The following JOSD1 variants were observed in gnomAD, a reference collection of about 807,000 sequenced individuals.
The protein encoded by JOSD1 is Josephin domain containing 1.
A neutral mutation model predicts 24.3 loss-of-function variants in JOSD1; 11 were observed. The observed-to-expected ratio is 0.45, with a 90% CI of 0.29 to 0.75. The LOEUF is 0.75. JOSD1 is among the 30% of genes least tolerant of loss of function. JOSD1 has a pLI of 0.11. For missense variants in JOSD1, 184 were observed against 253.5 expected, an observed-to-expected ratio of 0.73 and a Z score of 1.86; for synonymous variants, 106 against 93.8, an observed-to-expected ratio of 1.13 and a Z score of -0.75.
At chr22:38,700,761 C>G (rs2092565858) in intron 1 of JOSD1, 39 bp downstream of exon 1, 1 of 984,620 alleles carries the variant, frequency 1.0e-6, no homozygotes, top group South Asian at 4.7e-5. Context: ...CTCGCGCTCC[C>G]GGGCCCGCGC....
rs181161710 is a variant in JOSD1 at position 38,699,307 on chromosome 22, T to C, written c.185+496A>G. ...ATGGCCTCACAGAAAAGCTGAGCAT[T>C]GTTTATACATCTTGCTTGTGGTACC... On this transcript the variant is annotated intron_variant, in intron 2 of 4. Coordinates refer to ENST00000683374, the MANE Select transcript of JOSD1 (RefSeq NM_001360236.2). Among the ~76,000 whole-genome samples the C allele has an allele frequency of 3.3e-5, 5 of 152,334 alleles. No individual in the cohort carries two copies. In the East Asian group the frequency reaches 9.6e-4, roughly 29 times the overall value.
At chr22:38,690,998 C>T (rs1198375895) in intron 2 of JOSD1, among the ~76,000 whole-genome samples, 2 of 152,116 alleles carry the variant, frequency 1.3e-5, no homozygotes. Flanking sequence ...TGGATGTCAC[C>T]ACTGCATCCA....
At position 38,697,824 on chromosome 22, in the gene JOSD1, T is replaced by C. The variant is rs1336444106; in HGVS notation, c.185+1979A>G. Among the ~76,000 whole-genome samples the C allele has an allele frequency of 2.6e-5, 4 of 152,260 alleles. No individual in the cohort carries two copies. The East Asian group carries it at 7.7e-4, about 29-fold the overall frequency. On this transcript the variant is annotated intron_variant, in intron 2 of 4. Coordinates refer to ENST00000683374, the MANE Select transcript of JOSD1 (RefSeq NM_001360236.2). ...ACTCAGAACGGTGCTTTGCACCAAG[T>C]GTTCATGTGTGTTAGTGATCCTATC...
At chr22:38,695,145 C>G (rs999366447) in intron 2 of JOSD1, among the ~76,000 whole-genome samples, 2 of 152,170 alleles carry the variant, frequency 1.3e-5, no homozygotes, top group Non-Finnish European at 2.9e-5. Flanking sequence ...GGTCAAAGAG[C>G]TAGGCACACA....
At position 38,686,832 on chromosome 22, in the gene JOSD1, CAG is replaced by C; in HGVS notation, c.*1068_*1069del. On this transcript the variant is annotated 3_prime_UTR_variant, in exon 5 of 5. Transcript: ENST00000683374. ...GCAGACTTTTTTTTCCTGATTTTGC[CAG>C]AGTGAGTGAACTGGGAAAACTGCTC... The C allele has an allele frequency of 6.6e-6, 1 of 152,254 alleles. No individual in the cohort carries two copies. The highest frequency in any genetic ancestry group is 2.1e-4 in the South Asian group (1 of 4,824). 9.4% of individuals were successfully genotyped at this position (152,254 alleles called of 1,614,324 possible).
chr22:38,689,300 G>A lies in JOSD1; in HGVS notation c.310C>T (p.Arg104Cys). 1 of 1,614,198 alleles carries A rather than the reference G, an allele frequency of 6.2e-7. No homozygotes were observed. Among genetic ancestry groups the A allele is most frequent in the Non-Finnish European group, 8.5e-7 (1 of 1,180,042 alleles). ...KGYEAVWWDK[R>C]RDVGVIALTN... ...GTCAAGCCTGATTCAGATTACCTGCGCTTGTCCCACCAAACAGCTTCATAG... is the reference window on the plus strand; with the variant it reads ...GTCAAGCCTGATTCAGATTACCTGCACTTGTCCCACCAAACAGCTTCATAG... The change falls in exon 3 of 5, where the codon CGC becomes TGC. Residue 104 changes from arginine to cysteine, a missense_variant. Coordinates refer to ENST00000683374, the MANE Select transcript of JOSD1 (RefSeq NM_001360236.2).
At chr22:38,688,159 A>T (rs941608866) in intron 4 of JOSD1, among the ~76,000 whole-genome samples, 158 bp from the exon 5 acceptor site, 1 of 152,244 alleles carries the variant, frequency 6.6e-6, no homozygotes, top group Admixed American at 6.5e-5. Flanking sequence ...GTTACCCTCC[A>T]ATCTGTCCAG....
intron 2 of JOSD1, among the ~76,000 whole-genome samples, chr22:38,694,903 A>G (rs2092538435): frequency 6.6e-6 from 1 of 150,410 alleles, no homozygotes; most frequent in Admixed American, 6.6e-5. Context: ...GACGGGTTCT[A>G]GTCCAGGTCT....
At chr22:38,692,179 T>C (rs573517610) in intron 2 of JOSD1, among the ~76,000 whole-genome samples, 1 of 152,366 alleles carries the variant, frequency 6.6e-6, no homozygotes, top group South Asian at 2.1e-4. Context: ...TTGCATTTCA[T>C]TTAATCTTCA....
chr22:38,686,659 C>A lies in JOSD1; in HGVS notation c.*1243G>T, dbSNP rs2092499368. 6.6e-6 allele frequency: 1 copy of A among 152,230 alleles called. No individual in the cohort carries two copies. The highest frequency in any genetic ancestry group is 2.4e-5 in the African/African-American group (1 of 41,434). The allele number at this position is 152,230 out of a possible 1,614,324, so 9.4% of individuals were successfully genotyped here. A position where few individuals can be genotyped will look rare whatever the true frequency, so the allele number is the denominator to read the frequency against. On this transcript the variant is annotated 3_prime_UTR_variant, in exon 5 of 5. Coordinates refer to ENST00000683374, the MANE Select transcript of JOSD1 (RefSeq NM_001360236.2). Reference sequence around the variant, plus strand: ...CCTATTCCATCCATACAGCACAGAACCACCCAACCTGAGCTTGGCAACTAC... The same window carrying A: ...CCTATTCCATCCATACAGCACAGAAACACCCAACCTGAGCTTGGCAACTAC...
intron 2 of JOSD1, among the ~76,000 whole-genome samples, chr22:38,697,437 A>G (rs928204497): frequency 2.6e-5 from 4 of 152,266 alleles, no homozygotes; most frequent in African/African-American, 9.6e-5. Context: ...TTCAAAAGGA[A>G]TAGGATCTTA....
intron 2 of JOSD1, among the ~76,000 whole-genome samples, chr22:38,696,522 G>A (rs951408316): frequency 9.2e-5 from 14 of 152,136 alleles, no homozygotes; most frequent in Admixed American, 7.9e-4. Flanking sequence ...TTACATGCGT[G>A]AGCCACCGTG....
rs758064157 is a variant in JOSD1, at chr22:38,688,942, C to T, written c.502G>A (p.Glu168Lys). Residue 168 changes from glutamate to lysine, a missense_variant, in exon 4 of 5, where the codon GAG becomes AAG. Glu to Lys is a moderately conservative substitution (Grantham distance 56, BLOSUM62 1). Coordinates refer to ENST00000683374, the MANE Select transcript of JOSD1 (RefSeq NM_001360236.2). ...ACAAAAGGTGCCGATTACCTGAGCT[C>T]GCTCTCGCCTCCAATCCACTCGGGC... ...KMPEWIGGES[E>K]LRKFLKHHLR... 9.3e-6 allele frequency: 15 copies of T among 1,613,068 alleles called. No individual in the cohort carries two copies. Among genetic ancestry groups the T allele is most frequent in the Non-Finnish European group, 1.2e-5 (14 of 1,179,520 alleles).
intron 2 of JOSD1, among the ~76,000 whole-genome samples, chr22:38,691,762 C>G (rs2092523423): frequency 6.6e-6 from 1 of 152,134 alleles, no homozygotes; most frequent in Non-Finnish European, 1.5e-5. Flanking sequence ...TCCGGAGAGG[C>G]CTTTTCTTGA....
chr22:38,689,744 A>C (rs1238816546), intron 2 of JOSD1, among the ~76,000 whole-genome samples: 1 of 151,098 alleles, frequency 6.6e-6, no homozygotes, highest in Admixed American at 6.6e-5. Context: ...AACTGGTGTC[A>C]CTCCTGCTTT....
Position 38,689,054 on chromosome 22 carries a change from T to C in JOSD1, c.390A>G (p.Pro130=). The stretch of plus-strand genomic sequence containing the variant: ...GCTGCCTTTTGAGGGGCAGTTTCAG[T>C]GGACCCCAGCATAGGCTGGAGGGCA... ...MNLPSSLCWG[P]LKLPLKRQHW... is the part of the protein sequence containing the mutation. The change falls in exon 4 of 5, where the codon CCA becomes CCG. Residue 130 remains proline (P), a synonymous_variant. Transcript: ENST00000683374. 2 of 1,614,216 alleles carry C rather than the reference T, an allele frequency of 1.2e-6. No individual in the cohort carries two copies. The highest frequency in any genetic ancestry group is 8.5e-7 in the Non-Finnish European group (1 of 1,180,044).
At chr22:38,691,381 C>A (rs1444544609) in intron 2 of JOSD1, among the ~76,000 whole-genome samples, 1 of 148,408 alleles carries the variant, frequency 6.7e-6, no homozygotes. Flanking sequence ...AAAAAAAAAA[C>A]CCACAGAATT....
In JOSD1 at chr22:38,700,376, A is replaced by G. The variant is rs1370204238; in HGVS notation, c.-389T>C. ...GCCTCAAAGCAGGAGGACCGAACAC[A>G]ATCGGTCACATCGCTCCTTTTCTTC... On this transcript the variant is annotated 5_prime_UTR_variant, in exon 2 of 5. Transcript: ENST00000683374. 14 of 991,228 alleles carry G rather than the reference A, an allele frequency of 1.4e-5. No individual in the cohort carries two copies. Among genetic ancestry groups the G allele is most frequent in the African/African-American group, 1.8e-5 (1 of 56,244 alleles). The allele number at this position is 991,228 out of a possible 1,614,324, so 61.4% of individuals were successfully genotyped here. A position where few individuals can be genotyped will look rare whatever the true frequency, so the allele number is the denominator to read the frequency against.
intron 4 of JOSD1, among the ~76,000 whole-genome samples, chr22:38,688,564 A>G (rs1403775029): frequency 1.3e-5 from 2 of 152,120 alleles, no homozygotes; most frequent in African/African-American, 4.8e-5. Context: ...CCTCTAAAGA[A>G]CTTTTACAAA....
Sources: allele counts gnomAD v4.1 joint callset (sites outside exome capture counted in the v4.1 genomes callset), GRCh38; gene constraint gnomAD v4.1.1; transcripts MANE v1.5; gene names NCBI Gene and HGNC (gene_info 2026-07-23, HGNC 2026-07-21).